The following AKAP19 variants were observed in gnomAD, a reference collection of about 807,000 sequenced individuals.
AKAP19 encodes small A-kinase anchoring protein.
At chr2:190,029,612 G>A in the AKAP19 span, among the ~76,000 whole-genome samples, 3 of 152,152 alleles carry the variant, frequency 2.0e-5, no homozygotes, top group African/African-American at 4.8e-5. Flanking sequence ...TAAAAGGTCA[G>A]GTAGTAAACA....
chr2:189,964,402 T>C, the AKAP19 span, among the ~76,000 whole-genome samples: 1 of 152,198 alleles, frequency 6.6e-6, no homozygotes, highest in African/African-American at 2.4e-5. Context: ...TAAACGAGCA[T>C]TGGCTTCAAC....
chr2:189,900,130 T>C, the AKAP19 span, among the ~76,000 whole-genome samples: 1 of 152,238 alleles, frequency 6.6e-6, no homozygotes, highest in Non-Finnish European at 1.5e-5. Context: ...TATATGAATT[T>C]GCTAACAACT....
At chr2:189,973,866 C>G in the AKAP19 span, among the ~76,000 whole-genome samples, 1 of 151,394 alleles carries the variant, frequency 6.6e-6, no homozygotes, top group African/African-American at 2.4e-5. Flanking sequence ...TATTTGACTC[C>G]TCTCTCTTTT....
the AKAP19 span, among the ~76,000 whole-genome samples, chr2:189,927,673 T>C: frequency 6.6e-6 from 1 of 152,202 alleles, no homozygotes; most frequent in Non-Finnish European, 1.5e-5. Context: ...CAGTGTTTTT[T>C]CCCTAAAAAT....
the AKAP19 span, among the ~76,000 whole-genome samples, chr2:189,899,633 A>G: frequency 2.0e-5 from 3 of 152,152 alleles, no homozygotes; most frequent in South Asian, 4.1e-4. Flanking sequence ...ATGAATGTGC[A>G]TACATAAATG....
chr2:190,193,444 C>T, the AKAP19 span, among the ~76,000 whole-genome samples: 2 of 152,032 alleles, frequency 1.3e-5, no homozygotes, highest in African/African-American at 2.4e-5. Flanking sequence ...TTTCTTTCCT[C>T]TTTCTCTCTT....
chr2:189,986,657 C>T, the AKAP19 span, among the ~76,000 whole-genome samples: 3 of 152,096 alleles, frequency 2.0e-5, no homozygotes, highest in East Asian at 1.9e-4. Context: ...TTCTCTATCC[C>T]CTTACTTCTC....
chr2:190,117,980 C>T, the AKAP19 span, among the ~76,000 whole-genome samples: 1 of 151,524 alleles, frequency 6.6e-6, no homozygotes, highest in Admixed American at 6.6e-5. Flanking sequence ...ACTAGCAAGA[C>T]TAATAAAGAA....
At chr2:190,194,396 A>AAAT in the AKAP19 span, among the ~76,000 whole-genome samples, 2 of 151,540 alleles carry the variant, frequency 1.3e-5, no homozygotes, top group African/African-American at 4.9e-5. Context: ...TTTTTTAAAA[A>AAAT]AATAATAGAC....
chr2:189,900,231 A>T, the AKAP19 span, among the ~76,000 whole-genome samples: 1 of 152,192 alleles, frequency 6.6e-6, no homozygotes, highest in African/African-American at 2.4e-5. Context: ...TTTCAAAAAT[A>T]TATGCCCATT....
chr2:190,060,304 C>T, the AKAP19 span: 1 of 1,613,088 alleles, frequency 6.2e-7, no homozygotes, highest in Non-Finnish European at 8.5e-7. Context: ...TGCACAAACA[C>T]TGTTGTAGGA....
the AKAP19 span, among the ~76,000 whole-genome samples, chr2:190,172,325 T>C: frequency 1.3e-5 from 2 of 152,380 alleles, no homozygotes; most frequent in South Asian, 2.1e-4. Flanking sequence ...AGCTATACTT[T>C]AGTTATTTTA....
chr2:190,181,339 G>C, the AKAP19 span: 1 of 175,500 alleles, frequency 5.7e-6, no homozygotes, highest in Admixed American at 6.5e-5. Flanking sequence ...GGGCTTCCCA[G>C]TGAAAGGTAT....
the AKAP19 span, among the ~76,000 whole-genome samples, chr2:189,960,252 G>C: frequency 6.6e-6 from 1 of 152,116 alleles, no homozygotes; most frequent in Non-Finnish European, 1.5e-5. Flanking sequence ...GTTTCTGAGG[G>C]AGAATATACA....
chr2:190,095,474 A>G, the AKAP19 span: 1 of 152,204 alleles, frequency 6.6e-6, no homozygotes, highest in African/African-American at 2.4e-5. Flanking sequence ...GACACTCCAG[A>G]GAGCTGTCTT....
chr2:190,087,235 A>G, the AKAP19 span, among the ~76,000 whole-genome samples: 3 of 152,238 alleles, frequency 2.0e-5, no homozygotes, highest in Admixed American at 2.0e-4. Context: ...TAATCAAGTC[A>G]GATTTTTCCA....
chr2:190,091,547 A>AACAGACACACACACACACACAC, the AKAP19 span, among the ~76,000 whole-genome samples: 3 of 150,394 alleles, frequency 2.0e-5, no homozygotes, highest in African/African-American at 7.3e-5. Context: ...TCTTTTGTTA[A>AACAGACACACACACACACACAC]ACACACACAC....
chr2:189,981,790 G>C, the AKAP19 span, among the ~76,000 whole-genome samples: 1 of 152,092 alleles, frequency 6.6e-6, no homozygotes, highest in East Asian at 1.9e-4. Flanking sequence ...GAAATTTTGG[G>C]CTGGCTTTTT....
At chr2:189,968,202 T>A in the AKAP19 span, among the ~76,000 whole-genome samples, 2 of 152,310 alleles carry the variant, frequency 1.3e-5, no homozygotes, top group East Asian at 1.9e-4. Flanking sequence ...TTATAATAAG[T>A]GTGAACAGAT....
Sources: allele counts gnomAD v4.1 joint callset (sites outside exome capture counted in the v4.1 genomes callset), GRCh38; gene constraint gnomAD v4.1.1; transcripts MANE v1.5; gene names NCBI Gene and HGNC (gene_info 2026-07-23, HGNC 2026-07-21).